TRIM14: variants seen among roughly 807,000 people sequenced by gnomAD.
TRIM14 encodes tripartite motif-containing protein 14.
Under a neutral mutation model 44.5 loss-of-function variants are expected in TRIM14, and 28 were observed. The observed-to-expected ratio is 0.63, with a 90% CI of 0.47 to 0.86. The LOEUF is 0.86. TRIM14 is among the 40% of genes least tolerant of loss of function. TRIM14 has a pLI of 0.00. For synonymous variants in TRIM14, 299 were observed against 269.2 expected (o/e 1.11, Z -1.08); for missense variants, 607 against 611.1 (o/e 0.99, Z 0.07).
rs538273873 is a variant in TRIM14, at chr9:98,110,943, A to G, written c.208-959T>C. ...GCACCTGTAGTCCTAACTACTTGGGAGGCTGAGGTCAGGGGCGGGTCACCT... is the reference window on the plus strand; with the variant it reads ...GCACCTGTAGTCCTAACTACTTGGGGGGCTGAGGTCAGGGGCGGGTCACCT... On this transcript the variant is annotated intron_variant, in intron 1 of 5. Transcript: ENST00000341469. Among the ~76,000 whole-genome samples, 143 of 151,814 alleles carry G rather than the reference A, an allele frequency of 9.4e-4. 1 individual carries two copies. The highest frequency in any genetic ancestry group is 3.3e-3 in the African/African-American group (136 of 41,216).
chr9:98,119,190 C>T lies in TRIM14; in HGVS notation c.-2G>A. 3 of 1,571,508 alleles carry T rather than the reference C, an allele frequency of 1.9e-6. No homozygotes were observed. Among genetic ancestry groups the T allele is most frequent in the Non-Finnish European group, 2.6e-6 (3 of 1,169,282 alleles). On this transcript the variant is annotated 5_prime_UTR_variant, in exon 1 of 6. It removes an upstream start codon present in the reference 5' UTR. Transcript: ENST00000341469. The stretch of plus-strand genomic sequence containing the variant: ...GCTCCCGGTCGCCGCGCCCGCCATT[C>T]ATCTCCACCTCCTCCGGCTCCCCGG...
At chr9:98,062,782 T>TC in the TRIM14 span, among the ~76,000 whole-genome samples, 9 of 149,634 alleles carry the variant, frequency 6.0e-5, no homozygotes, top group Admixed American at 4.7e-4. Context: ...TTTCAGTTTT[T>TC]TTTTTTTTTT....
intron 6 of TRIM14, among the ~76,000 whole-genome samples, chr9:98,069,900 T>C (rs1441559921): frequency 6.6e-6 from 1 of 152,160 alleles, no homozygotes; most frequent in African/African-American, 2.4e-5. Flanking sequence ...CAGAAATGAA[T>C]ACTTGTAGAA....
chr9:98,076,938 T>G, intron 6 of TRIM14: 1 of 1,612,170 alleles, frequency 6.2e-7, no homozygotes, highest in Non-Finnish European at 8.5e-7. Flanking sequence ...AATTCCTGCA[T>G]GAACTGAATG....
At chr9:98,114,469 G>C (rs1024503260) in intron 1 of TRIM14, among the ~76,000 whole-genome samples, 4 of 152,084 alleles carry the variant, frequency 2.6e-5, no homozygotes, top group African/African-American at 9.7e-5. Context: ...AAGTAGCTGG[G>C]ACTACAGGTG....
intron 1 of TRIM14, among the ~76,000 whole-genome samples, chr9:98,110,769 G>A (rs953951684): frequency 6.6e-6 from 1 of 151,900 alleles, no homozygotes; most frequent in African/African-American, 2.4e-5. Context: ...ACTTTGGGAG[G>A]CTGAGGTAGG....
At position 98,087,269 on chromosome 9, in the gene TRIM14, G is replaced by C. The variant is rs149270853; in HGVS notation, c.*201C>G. ...GAGGTCTGATGAGAGGGCAGCAGCAGACTTGTTTAGGGCCTGTTTGAAACT... is the reference window on the plus strand; with the variant it reads ...GAGGTCTGATGAGAGGGCAGCAGCACACTTGTTTAGGGCCTGTTTGAAACT... On this transcript the variant is annotated 3_prime_UTR_variant, in exon 6 of 6. Transcript: ENST00000341469. 1.2e-5 allele frequency: 10 copies of C among 859,540 alleles called. No individual in the cohort carries two copies. Among genetic ancestry groups the C allele is most frequent in the African/African-American group, 3.3e-5 (2 of 60,718 alleles). 53.2% of individuals were successfully genotyped at this position (859,540 alleles called of 1,614,324 possible). A position where few individuals can be genotyped will look rare whatever the true frequency, so the allele number is the denominator to read the frequency against.
At chr9:98,041,618 A>G in the TRIM14 span, among the ~76,000 whole-genome samples, 1 of 151,270 alleles carries the variant, frequency 6.6e-6, no homozygotes, top group Non-Finnish European at 1.5e-5. Flanking sequence ...CAGCCTCTGG[A>G]GTAGCTGGGA....
At chr9:98,056,531 G>A in the TRIM14 span, among the ~76,000 whole-genome samples, 1 of 151,902 alleles carries the variant, frequency 6.6e-6, no homozygotes, top group Non-Finnish European at 1.5e-5. Context: ...ACCACGCTCT[G>A]GGACAGCAAG....
chr9:98,060,375 G>A, the TRIM14 span, among the ~76,000 whole-genome samples: 1 of 152,102 alleles, frequency 6.6e-6, no homozygotes. Flanking sequence ...TGTTTTTAAA[G>A]ATGGTGATGT....
the TRIM14 span, among the ~76,000 whole-genome samples, chr9:98,046,648 C>T: frequency 6.6e-6 from 1 of 152,026 alleles, no homozygotes; most frequent in South Asian, 2.1e-4. Flanking sequence ...ACCATATTGG[C>T]CAGGCTGATC....
At chr9:98,061,035 A>C in the TRIM14 span, 1 of 1,598,648 alleles carries the variant, frequency 6.3e-7, no homozygotes, top group Non-Finnish European at 8.6e-7. Context: ...TCACTTTAGC[A>C]GACCAAGGGT....
Position 98,087,774 on chromosome 9 carries a change from G to A in TRIM14, c.1025C>T (p.Ala342Val). Reference protein sequence around the residue: ...GAGWWVGAAYASLRRRGASAA... With the variant: ...GAGWWVGAAYVSLRRRGASAA... ...CGAGGCCCCGCGGCGCCGAAGGGAG[G>A]CGTAGGCCGCGCCCACCCACCAGCC... is the stretch of plus-strand genomic sequence containing the variant. Residue 342 changes from alanine to valine, a missense_variant, in exon 6 of 6, where the codon GCC becomes GTC. Transcript: ENST00000341469. 2.0e-6 allele frequency: 3 copies of A among 1,512,946 alleles called. No individual in the cohort carries two copies. The highest frequency in any genetic ancestry group is 2.6e-6 in the Non-Finnish European group (3 of 1,141,334). 93.7% of individuals were successfully genotyped at this position (1,512,946 alleles called of 1,614,324 possible).
chr9:98,060,023 C>T, the TRIM14 span, among the ~76,000 whole-genome samples: 274 of 152,210 alleles, frequency 1.8e-3, 1 homozygote, highest in African/African-American at 6.3e-3. Context: ...GCTTTTATAT[C>T]GATGGAGAAA....
chr9:98,068,860 G>A (rs1829229146), downstream of TRIM14, among the ~76,000 whole-genome samples: 1 of 151,922 alleles, frequency 6.6e-6, no homozygotes, highest in African/African-American at 2.4e-5. Flanking sequence ...AACACCACAT[G>A]GTGTCAAGGA....
rs138455926 is a variant in TRIM14 at position 98,073,849 on chromosome 9, C to T, written c.*29-4162G>A. ...TCACCCAGGCTGGAGTGCAGTGACACGACCTCAGCTCAGTGCAGCCTCAAC... is the reference window on the plus strand; with the variant it reads ...TCACCCAGGCTGGAGTGCAGTGACATGACCTCAGCTCAGTGCAGCCTCAAC... On this transcript the variant is annotated intron_variant, in intron 6 of 6. Transcript: ENST00000375098. Among the ~76,000 whole-genome samples, 521 of 151,986 alleles carry T rather than the reference C, an allele frequency of 3.4e-3. 2 individuals carry two copies. Among genetic ancestry groups the T allele is most frequent in the African/African-American group, 0.012 (481 of 41,316 alleles).
rs546277264 is a variant in TRIM14 at position 98,075,198 on chromosome 9, C to G, written c.*29-5511G>C. ...CATGTGGTGGCACGTGCTTGTGGTC[C>G]CAGCTACTTGGGAGACTGAGGCAGG... On this transcript the variant is annotated intron_variant, in intron 6 of 6. Transcript: ENST00000375098. 3.3e-5 allele frequency: 5 copies of G among 152,128 alleles called. No homozygotes were observed. In the East Asian group the frequency reaches 9.7e-4, roughly 29 times the overall value. 9.4% of individuals were successfully genotyped at this position (152,128 alleles called of 1,614,324 possible).
the TRIM14 span, among the ~76,000 whole-genome samples, chr9:98,046,914 CT>C: frequency 6.6e-6 from 1 of 152,102 alleles, no homozygotes; most frequent in Non-Finnish European, 1.5e-5. Flanking sequence ...CCTGGGGAAA[CT>C]TTTCCCCCCA....
At chr9:98,056,847 G>T in the TRIM14 span, 4 of 1,612,234 alleles carry the variant, frequency 2.5e-6, no homozygotes, top group South Asian at 3.3e-5. Flanking sequence ...GGCGCTGGGT[G>T]GGCGGGCAAC....
Sources: allele counts gnomAD v4.1 joint callset (sites outside exome capture counted in the v4.1 genomes callset), GRCh38; gene constraint gnomAD v4.1.1; transcripts MANE v1.5; gene names NCBI Gene and HGNC (gene_info 2026-07-23, HGNC 2026-07-21).